Variants in MCU observed in about 807,000 individuals in gnomAD.
The protein encoded by MCU is calcium uniporter protein, mitochondrial.
A neutral mutation model predicts 45.2 loss-of-function variants in MCU; 12 were observed. The ratio of observed to expected loss-of-function variants is 0.27; its 90% CI spans 0.17 to 0.43. The LOEUF (loss-of-function observed/expected upper bound fraction) is 0.43. MCU is among the 20% of genes least tolerant of loss of function. The pLI is 1.00. For synonymous variants in MCU, 160 were observed against 165.1 expected (o/e 0.97, Z 0.24); for missense variants, 324 against 436.7 (o/e 0.74, Z 2.30).
At chr10:72,826,958 T>A (rs1844807654) in intron 1 of MCU, among the ~76,000 whole-genome samples, 1 of 152,142 alleles carries the variant, frequency 6.6e-6, no homozygotes, top group African/African-American at 2.4e-5. Flanking sequence ...TTGTTGTAAT[T>A]ATTCTATTTT....
Position 72,868,731 on chromosome 10 carries a change from G to T in MCU, c.525G>T (p.Thr175=), listed in dbSNP as rs369032318. Residue 175 remains threonine, a synonymous_variant, in exon 5 of 8, where the codon ACG becomes ACT. Transcript: ENST00000373053. Reference sequence around the variant, plus strand: ...TCTTAAGTCATGAAAATGCAGCAACGCTGAATGATGTAAAGACATTGGTCC... The same window carrying T: ...TCTTAAGTCATGAAAATGCAGCAACTCTGAATGATGTAAAGACATTGGTCC... ...RDLLSHENAA[T]LNDVKTLVQQ... is the part of the protein sequence containing the mutation. 2 of 1,613,750 alleles carry T rather than the reference G, an allele frequency of 1.2e-6. No homozygotes were observed. The highest frequency in any genetic ancestry group is 1.7e-6 in the Non-Finnish European group (2 of 1,179,954).
At chr10:72,840,415 A>G (rs1320420196) in intron 2 of MCU, among the ~76,000 whole-genome samples, 1 of 152,158 alleles carries the variant, frequency 6.6e-6, no homozygotes, top group African/African-American at 2.4e-5. Flanking sequence ...AGTGTTCTTT[A>G]TATAGTCTAG....
At chr10:72,869,973 C>G (rs1055768997) in intron 5 of MCU, among the ~76,000 whole-genome samples, 4 of 151,892 alleles carry the variant, frequency 2.6e-5, no homozygotes, top group African/African-American at 9.7e-5. Context: ...ATATATATAC[C>G]TATACGCATT....
chr10:72,748,336 C>T (rs920200782), intron 1 of MCU, among the ~76,000 whole-genome samples: 1 of 152,250 alleles, frequency 6.6e-6, no homozygotes, highest in Non-Finnish European at 1.5e-5. Context: ...GCGTGTGCCA[C>T]CGCACCGGCC....
intron 1 of MCU, among the ~76,000 whole-genome samples, chr10:72,805,416 T>C (rs574345234): frequency 1.3e-5 from 2 of 151,816 alleles, no homozygotes; most frequent in South Asian, 4.2e-4. Flanking sequence ...GCCCAGCTAA[T>C]TTTTTGTATT....
At chr10:72,774,290 T>C (rs1431285603) in intron 1 of MCU, among the ~76,000 whole-genome samples, 1 of 152,162 alleles carries the variant, frequency 6.6e-6, no homozygotes, top group East Asian at 1.9e-4. Context: ...AGAATTCTTT[T>C]TTTGTTTTAC....
intron 1 of MCU, among the ~76,000 whole-genome samples, chr10:72,747,216 C>T (rs1678400080): frequency 6.6e-6 from 1 of 152,184 alleles, no homozygotes; most frequent in Admixed American, 6.5e-5. Flanking sequence ...CCAGAATCCA[C>T]TGTTGTGTTG....
intron 6 of MCU, among the ~76,000 whole-genome samples, chr10:72,877,283 A>G (rs1845632116): frequency 6.6e-6 from 1 of 152,192 alleles, no homozygotes; most frequent in Non-Finnish European, 1.5e-5. Context: ...TTGTTGCCCG[A>G]AAGAGGAAGC....
intron 6 of MCU, among the ~76,000 whole-genome samples, chr10:72,880,659 A>G (rs1455713220): frequency 6.6e-6 from 1 of 152,224 alleles, no homozygotes; most frequent in Admixed American, 6.5e-5. Context: ...ATGAAAATGT[A>G]AAAGACTAAG....
At chr10:72,834,466 A>G in intron 2 of MCU, 38 bp downstream of exon 2, 1 of 1,551,214 alleles carries the variant, frequency 6.4e-7, no homozygotes. Context: ...GTCTAATATT[A>G]TTTCCTTCTT....
intron 1 of MCU, among the ~76,000 whole-genome samples, chr10:72,712,826 C>T (rs1163190528): frequency 6.6e-6 from 1 of 152,074 alleles, no homozygotes; most frequent in Admixed American, 6.6e-5. Context: ...TGTTGTCTTT[C>T]ATTTCCAACA....
intron 1 of MCU, among the ~76,000 whole-genome samples, chr10:72,786,436 T>G (rs1844072098): frequency 6.6e-6 from 1 of 152,112 alleles, no homozygotes; most frequent in African/African-American, 2.4e-5. Flanking sequence ...TTTACAGATT[T>G]GTTGGGATTA....
At chr10:72,858,107 C>T (rs761852908) in intron 2 of MCU, among the ~76,000 whole-genome samples, 1 of 152,162 alleles carries the variant, frequency 6.6e-6, no homozygotes, top group Non-Finnish European at 1.5e-5. Flanking sequence ...AGTGTAGCCT[C>T]CATTCAGAAG....
intron 2 of MCU, among the ~76,000 whole-genome samples, chr10:72,851,866 TC>T (rs2132858011): frequency 6.6e-6 from 1 of 152,250 alleles, no homozygotes; most frequent in East Asian, 1.9e-4. Context: ...ACTAAATTTC[TC>T]CCAAAGCTAG....
intron 6 of MCU, among the ~76,000 whole-genome samples, chr10:72,872,024 G>A (rs557738469): frequency 5.1e-4 from 78 of 152,266 alleles, no homozygotes; most frequent in African/African-American, 1.8e-3. Flanking sequence ...ACTAAACTCA[G>A]AAATCCTCCT....
chr10:72,861,699 G>A, intron 4 of MCU: 1 of 345,742 alleles, frequency 2.9e-6, no homozygotes, highest in Non-Finnish European at 5.5e-6. Context: ...GTTTTGCCAT[G>A]TTGGCCAGAA....
intron 1 of MCU, among the ~76,000 whole-genome samples, chr10:72,811,047 A>G (rs1844536176): frequency 6.6e-6 from 1 of 152,234 alleles, no homozygotes; most frequent in Non-Finnish European, 1.5e-5. Flanking sequence ...CCTGCTCAGC[A>G]CATGCTTTTA....
In MCU at chr10:72,796,863, CAG is replaced by C. The variant is rs1476138392; in HGVS notation, c.151-37493_151-37492del. Among the ~76,000 whole-genome samples, 5 of 151,906 alleles carry C rather than the reference CAG, an allele frequency of 3.3e-5. No individual in the cohort carries two copies. In the South Asian group the frequency reaches 1.0e-3, roughly 32 times the overall value. ...TCCTCCTTGACCAAGAATTATTTAA[CAG>C]AGTTTCAAAATTTCCAGGTGGAATG... On this transcript the variant is annotated intron_variant, in intron 1 of 7. Coordinates refer to ENST00000373053, the MANE Select transcript of MCU (RefSeq NM_138357.3).
intron 2 of MCU, among the ~76,000 whole-genome samples, chr10:72,842,937 GGAA>G (rs1316521365): frequency 6.6e-6 from 1 of 151,442 alleles, no homozygotes; most frequent in African/African-American, 2.4e-5. Context: ...GAAATGTTGA[GGAA>G]GAAGTTCATC....
Sources: gnomAD v4.1 joint callset for allele counts (sites outside exome capture counted in the v4.1 genomes callset) on GRCh38, gnomAD v4.1.1 for gene constraint, MANE v1.5 for transcripts, NCBI Gene and HGNC (gene_info 2026-07-23, HGNC 2026-07-21) for gene names.